DRC4: variants seen among roughly 807,000 people sequenced by gnomAD.
DRC4 encodes GAS-11.
At chr16:90,030,097 G>A in the DRC4 span, among the ~76,000 whole-genome samples, 1 of 152,144 alleles carries the variant, frequency 6.6e-6, no homozygotes, top group African/African-American at 2.4e-5. Context: ...GAGAAAGCTG[G>A]AAGCCTGTCC....
chr16:90,031,125 C>T, the DRC4 span: 3 of 1,416,034 alleles, frequency 2.1e-6, no homozygotes, highest in Non-Finnish European at 2.8e-6. Context: ...CTGCTGAATG[C>T]ATTCTGTCTC....
At chr16:90,043,484 C>T in the DRC4 span, 4 of 889,738 alleles carry the variant, frequency 4.5e-6, no homozygotes, top group South Asian at 7.0e-5. Context: ...TTGCCATCCT[C>T]TTTCCTGGCT....
the DRC4 span, among the ~76,000 whole-genome samples, chr16:90,027,466 A>ATG: frequency 1.3e-5 from 2 of 152,142 alleles, no homozygotes; most frequent in Non-Finnish European, 2.9e-5. Flanking sequence ...CAACAACAGG[A>ATG]TGTGTGTGTG....
chr16:90,026,685 C>T, the DRC4 span, among the ~76,000 whole-genome samples: 1 of 151,524 alleles, frequency 6.6e-6, no homozygotes, highest in Non-Finnish European at 1.5e-5. Context: ...ATGGGTTCCC[C>T]CCTCTCTTAG....
the DRC4 span, chr16:90,044,815 C>T: frequency 7.5e-6 from 2 of 268,132 alleles, no homozygotes; most frequent in Non-Finnish European, 1.5e-5. Context: ...TTTAGGAAAT[C>T]ACAACACAGA....
At chr16:90,035,669 T>A in the DRC4 span, 1 of 1,614,026 alleles carries the variant, frequency 6.2e-7, no homozygotes, top group Non-Finnish European at 8.5e-7. Context: ...GCGGAATGAT[T>A]TTGAGAGGCA....
the DRC4 span, among the ~76,000 whole-genome samples, chr16:90,040,967 T>A: frequency 1.3e-5 from 2 of 152,112 alleles, no homozygotes; most frequent in Non-Finnish European, 2.9e-5. Flanking sequence ...AGGAGGGGCC[T>A]CACCTGGGCC....
the DRC4 span, among the ~76,000 whole-genome samples, chr16:90,041,278 G>C: frequency 6.6e-6 from 1 of 152,184 alleles, no homozygotes; most frequent in Non-Finnish European, 1.5e-5. Flanking sequence ...CGACTTCTAA[G>C]TGAGGAATCT....
the DRC4 span, chr16:90,044,730 A>G: frequency 2.4e-6 from 1 of 412,398 alleles, no homozygotes; most frequent in Non-Finnish European, 5.0e-6. Flanking sequence ...CACCTGTCAG[A>G]CTTGGGTGAG....
chr16:90,038,000 C>G, the DRC4 span: 1 of 697,368 alleles, frequency 1.4e-6, no homozygotes, highest in African/African-American at 1.8e-5. Context: ...GGCCCCTGGA[C>G]CAGCTTCAGA....
At chr16:90,036,467 G>A in the DRC4 span, 2 of 1,614,232 alleles carry the variant, frequency 1.2e-6, no homozygotes, top group South Asian at 2.2e-5. Flanking sequence ...CGAAGTGGAG[G>A]AGAGGAAGAA....
the DRC4 span, chr16:90,027,752 C>T: frequency 1.5e-5 from 23 of 1,511,320 alleles, 1 homozygote; most frequent in East Asian, 9.9e-5. Flanking sequence ...GCCCAGTCCC[C>T]GGGTGGGCGT....
chr16:90,036,722 C>T, the DRC4 span: 839 of 781,794 alleles, frequency 1.1e-3, 5 homozygotes, highest in African/African-American at 0.012. Flanking sequence ...TGACAATGCC[C>T]CTCTCATATC....
the DRC4 span, chr16:90,037,206 T>G: frequency 6.3e-7 from 1 of 1,581,670 alleles, no homozygotes; most frequent in Non-Finnish European, 8.6e-7. Context: ...GCTGAGCCCC[T>G]GCCGGGCCTG....
the DRC4 span, chr16:90,029,149 CCTACGGGGCAGG>C: frequency 2.2e-6 from 3 of 1,346,202 alleles, no homozygotes; most frequent in South Asian, 2.3e-5. Context: ...TACGGGGCAG[CCTACGGGGCAGG>C]CTACGGGGCA....
At chr16:90,028,153 C>T in the DRC4 span, among the ~76,000 whole-genome samples, 4 of 129,376 alleles carry the variant, frequency 3.1e-5, no homozygotes, top group South Asian at 7.9e-4. Context: ...CAAATCACAT[C>T]TGAATCTGAT....
At chr16:90,040,472 ACCCTGCAGCCCTGACGC>A in the DRC4 span, 2 of 1,608,480 alleles carry the variant, frequency 1.2e-6, no homozygotes, top group African/African-American at 2.7e-5. Flanking sequence ...TCTAACCTGG[ACCCTGCAGCCCTGACGC>A]TGGTGTCCCG....
the DRC4 span, among the ~76,000 whole-genome samples, chr16:90,032,275 G>T: frequency 1.3e-5 from 2 of 151,714 alleles, no homozygotes; most frequent in African/African-American, 4.9e-5. Context: ...GACCAGGTGT[G>T]TACAGGTATG....
chr16:90,030,336 C>G, the DRC4 span, among the ~76,000 whole-genome samples: 1 of 151,838 alleles, frequency 6.6e-6, no homozygotes, highest in Non-Finnish European at 1.5e-5. Context: ...TCAACCATTT[C>G]CATATTTATT....
Sources: gnomAD v4.1 joint callset for allele counts (sites outside exome capture counted in the v4.1 genomes callset) on GRCh38, gnomAD v4.1.1 for gene constraint, MANE v1.5 for transcripts, NCBI Gene and HGNC (gene_info 2026-07-23, HGNC 2026-07-21) for gene names.